Variants in EYA4 observed in about 807,000 individuals in gnomAD.
EYA4 encodes the protein protein phosphatase EYA4.
A neutral mutation model predicts 87.9 loss-of-function variants in EYA4; 31 were observed. The ratio of observed to expected loss-of-function variants is 0.35; its 90% confidence interval spans 0.27 to 0.48. The LOEUF is 0.48. Among genes scored for constraint, EYA4 ranks in the 20% least tolerant of loss-of-function variants. The pLI is 0.99. For synonymous variants in EYA4, 263 were observed against 270.6 expected (o/e 0.97, Z 0.28); for missense variants, 678 against 761.4 (o/e 0.89, Z 1.29).
At chr6:133,436,533 C>T (rs1488299904) in intron 3 of EYA4, among the ~76,000 whole-genome samples, 1 of 152,188 alleles carries the variant, frequency 6.6e-6, no homozygotes, top group African/African-American at 2.4e-5. Flanking sequence ...AGAAAACAAT[C>T]CTACCCTGAT....
intron 2 of EYA4, among the ~76,000 whole-genome samples, chr6:133,327,100 T>C (rs1393495659): frequency 6.6e-6 from 1 of 152,222 alleles, no homozygotes; most frequent in African/African-American, 2.4e-5. Context: ...TCATTGGTAG[T>C]TAAATTACAA....
At chr6:133,330,188 T>G (rs947911311) in intron 2 of EYA4, among the ~76,000 whole-genome samples, 1 of 152,026 alleles carries the variant, frequency 6.6e-6, no homozygotes, top group East Asian at 1.9e-4. Flanking sequence ...GATAATAAAG[T>G]CAAGAGCGTC....
chr6:133,374,827 G>A (rs916991726), intron 2 of EYA4, among the ~76,000 whole-genome samples: 1 of 151,918 alleles, frequency 6.6e-6, no homozygotes, highest in Non-Finnish European at 1.5e-5. Context: ...ACAGCTGCAA[G>A]ATCTTTGTTT....
chr6:133,399,230 TG>T (rs1461856389), intron 3 of EYA4, among the ~76,000 whole-genome samples: 3 of 152,200 alleles, frequency 2.0e-5, no homozygotes, highest in Non-Finnish European at 4.4e-5. Context: ...TTCTTCTTTC[TG>T]ATAGTAAACC....
intron 2 of EYA4, among the ~76,000 whole-genome samples, chr6:133,342,605 A>ATATATTATATATATATATATC (rs1485897156): frequency 7.7e-6 from 1 of 130,440 alleles, no homozygotes; most frequent in African/African-American, 3.3e-5. Flanking sequence ...ATATATATAT[A>ATATATTATATATATATATATC]ATTCTTTATA....
At chr6:133,486,661 A>C (rs534595100) in intron 13 of EYA4, among the ~76,000 whole-genome samples, 1 of 152,328 alleles carries the variant, frequency 6.6e-6, no homozygotes, top group South Asian at 2.1e-4. Flanking sequence ...TGACATTGGT[A>C]CTGAGAGGAG....
Position 133,529,260 on chromosome 6 carries a change from G to A in EYA4, c.*455G>A. ...ATTGGAATGCACTCAGACTGTATAA[G>A]GACAGTCCTATTTAGACATGTAATT... On this transcript the variant is annotated 3_prime_UTR_variant, in exon 20 of 20. Coordinates refer to ENST00000355286, the MANE Select transcript of EYA4 (RefSeq NM_004100.5). 1 of 1,037,946 alleles carries A rather than the reference G, an allele frequency of 9.6e-7. No homozygotes were observed. The highest frequency in any genetic ancestry group is 1.2e-6 in the Non-Finnish European group (1 of 860,604). The allele number at this position is 1,037,946 out of a possible 1,614,324, so 64.3% of individuals were successfully genotyped here.
chr6:133,528,626 G>A, intron 19 of EYA4, 99 bp from the exon 20 acceptor site: 1 of 898,100 alleles, frequency 1.1e-6, no homozygotes, highest in Non-Finnish European at 1.9e-6. Flanking sequence ...ACACATCCCT[G>A]TGTGTGCTGC....
At chr6:133,515,175 T>A (rs1443164965) in intron 16 of EYA4, 146 bp from the exon 17 acceptor site, 1 of 688,522 alleles carries the variant, frequency 1.5e-6, no homozygotes, top group Non-Finnish European at 2.7e-6. Context: ...AAACGAAGGA[T>A]CAATATGGAC....
intron 10 of EYA4, among the ~76,000 whole-genome samples, chr6:133,467,921 T>A (rs1794989756): frequency 6.6e-6 from 1 of 152,054 alleles, no homozygotes; most frequent in African/African-American, 2.4e-5. Flanking sequence ...AGTGCTTTCA[T>A]TTTTCTCTGT....
chr6:133,342,601 A>AT lies in EYA4; in HGVS notation c.34-39790dup, dbSNP rs1476446380. On this transcript the variant is annotated intron_variant, in intron 2 of 19. Coordinates refer to ENST00000355286, the MANE Select transcript of EYA4 (RefSeq NM_004100.5). ...TATATATATATATATATATATATAT[A>AT]TATAATTCTTTATATTTCTCTGGGC... is the stretch of plus-strand genomic sequence containing the variant. 7.7e-4 allele frequency among the ~76,000 whole-genome samples: 93 copies of AT among 121,412 alleles called. 4 individuals carry two copies. The highest frequency in any genetic ancestry group is 2.8e-3 in the African/African-American group (87 of 31,118). The allele number at this position is 121,412 out of a possible 152,430, so 79.7% of individuals were successfully genotyped here.
At chr6:133,315,277 AT>A (rs1780537974) in intron 2 of EYA4, among the ~76,000 whole-genome samples, 1 of 152,054 alleles carries the variant, frequency 6.6e-6, no homozygotes, top group South Asian at 2.1e-4. Flanking sequence ...TTTATAGAAT[AT>A]TTTCCCAGTG....
chr6:133,294,019 GA>G (rs1778711883), intron 2 of EYA4, among the ~76,000 whole-genome samples: 1 of 47,548 alleles, frequency 2.1e-5, no homozygotes, highest in Non-Finnish European at 3.7e-5. Context: ...TCCCTAGGGT[GA>G]TTTTATATAT....
intron 2 of EYA4, among the ~76,000 whole-genome samples, chr6:133,370,137 A>C (rs564088372): frequency 6.6e-6 from 1 of 152,332 alleles, no homozygotes; most frequent in East Asian, 1.9e-4. Context: ...TAAACCTCTC[A>C]GAGCATTCTG....
At chr6:133,352,955 C>T (rs949264365) in intron 2 of EYA4, among the ~76,000 whole-genome samples, 3 of 152,122 alleles carry the variant, frequency 2.0e-5, no homozygotes, top group African/African-American at 7.2e-5. Flanking sequence ...TGTCCCAACA[C>T]TAATGATATT....
intron 1 of EYA4, among the ~76,000 whole-genome samples, chr6:133,273,057 G>T (rs982980687): frequency 1.4e-5 from 2 of 139,816 alleles, no homozygotes. Flanking sequence ...TCTGTATTAG[G>T]GTTCTCTATA....
At chr6:133,315,761 T>C (rs1780574282) in intron 2 of EYA4, among the ~76,000 whole-genome samples, 1 of 152,196 alleles carries the variant, frequency 6.6e-6, no homozygotes, top group Non-Finnish European at 1.5e-5. Flanking sequence ...GATCATGAGG[T>C]ATATGGATTC....
intron 2 of EYA4, among the ~76,000 whole-genome samples, chr6:133,356,554 G>T (rs1784047988): frequency 6.6e-6 from 1 of 152,060 alleles, no homozygotes; most frequent in Non-Finnish European, 1.5e-5. Flanking sequence ...GAAGATAGAA[G>T]TTGAATGCTG....
intron 3 of EYA4, among the ~76,000 whole-genome samples, chr6:133,417,161 A>G (rs1290203223): frequency 1.2e-4 from 19 of 152,186 alleles, no homozygotes; most frequent in Admixed American, 1.2e-3. Context: ...TTTAGAGCAA[A>G]TCTACTGAAT....
Sources: allele counts gnomAD v4.1 joint callset (sites outside exome capture counted in the v4.1 genomes callset), GRCh38; gene constraint gnomAD v4.1.1; transcripts MANE v1.5; gene names NCBI Gene and HGNC (gene_info 2026-07-23, HGNC 2026-07-21).